Variants in SFRP1 observed in about 807,000 individuals in gnomAD.
SFRP1 encodes secreted frizzled-related protein 1.
A neutral mutation model predicts 25.9 loss-of-function variants in SFRP1; 9 were observed. That is an observed-to-expected ratio of 0.35 (90% CI 0.21 to 0.61). The LOEUF is 0.61. SFRP1 is among the 20% of genes least tolerant of loss of function. SFRP1 has a pLI of 0.78. For missense variants in SFRP1, 346 were observed against 418.2 expected (o/e 0.83, Z 1.51); for synonymous variants, 178 against 174.0 (o/e 1.02, Z -0.18).
chr8:41,307,340 T>A (rs1804010679), intron 1 of SFRP1, among the ~76,000 whole-genome samples: 1 of 152,098 alleles, frequency 6.6e-6, no homozygotes, highest in Admixed American at 6.5e-5. Flanking sequence ...TGTGGACCCA[T>A]CTCCACCCTC....
chr8:41,309,219 C>T lies in SFRP1; in HGVS notation c.-60G>A. ...GCTGCCTCCGCCGCCTCCCCGCGCG[C>T]GTCCTGCCGCAAACTTCCAGGGACC... On this transcript the variant is annotated 5_prime_UTR_variant, in exon 1 of 3. Transcript: ENST00000220772. 3 of 1,264,192 alleles carry T rather than the reference C, an allele frequency of 2.4e-6. No individual in the cohort carries two copies. Among genetic ancestry groups the T allele is most frequent in the Non-Finnish European group, 3.0e-6 (3 of 1,011,384 alleles). 78.3% of individuals were successfully genotyped at this position (1,264,192 alleles called of 1,614,324 possible). A position where few individuals can be genotyped will look rare whatever the true frequency, so the allele number is the denominator to read the frequency against.
At chr8:41,274,836 T>C (rs765086882) in intron 2 of SFRP1, among the ~76,000 whole-genome samples, 2 of 152,198 alleles carry the variant, frequency 1.3e-5, no homozygotes, top group Non-Finnish European at 2.9e-5. Context: ...TGTCAGTGTA[T>C]ATAAAATATA....
intron 2 of SFRP1, among the ~76,000 whole-genome samples, chr8:41,274,609 C>A (rs138777932): frequency 1.3e-5 from 2 of 152,150 alleles, no homozygotes; most frequent in African/African-American, 4.8e-5. Context: ...AATAAGAAAT[C>A]CAATTATAAC....
chr8:41,275,487 G>A (rs956778980), intron 2 of SFRP1, among the ~76,000 whole-genome samples: 5 of 151,654 alleles, frequency 3.3e-5, no homozygotes, highest in Non-Finnish European at 5.9e-5. Flanking sequence ...GCTAGTCACA[G>A]TGAGACTGGC....
chr8:41,294,451 A>G (rs1473582735), intron 2 of SFRP1, among the ~76,000 whole-genome samples: 1 of 152,194 alleles, frequency 6.6e-6, no homozygotes, highest in Non-Finnish European at 1.5e-5. Context: ...AACAAGAGAG[A>G]GAAAATCCCC....
In SFRP1 at chr8:41,262,259, A is replaced by T. The variant is rs1411628648; in HGVS notation, c.*2908T>A. 6.6e-6 allele frequency: 1 copy of T among 152,224 alleles called. No homozygotes were observed. Among genetic ancestry groups the T allele is most frequent in the East Asian group, 1.9e-4 (1 of 5,198 alleles). The allele number at this position is 152,224 out of a possible 1,614,324, so 9.4% of individuals were successfully genotyped here. A position where few individuals can be genotyped will look rare whatever the true frequency, so the allele number is the denominator to read the frequency against. On this transcript the variant is annotated 3_prime_UTR_variant, in exon 3 of 3. Transcript: ENST00000220772. ...CTGGCAACAGGTCAGAACGGCCAGT[A>T]TGTTATTCCCTGCAGGCTGCCTAGG...
At chr8:41,287,794 G>A (rs1803723961) in intron 2 of SFRP1, among the ~76,000 whole-genome samples, 2 of 152,238 alleles carry the variant, frequency 1.3e-5, no homozygotes, top group Admixed American at 1.3e-4. Context: ...TAAGGAAAGT[G>A]CAGCATGTGT....
intron 2 of SFRP1, among the ~76,000 whole-genome samples, chr8:41,267,733 G>T (rs760469857): frequency 6.6e-6 from 1 of 152,192 alleles, no homozygotes; most frequent in Non-Finnish European, 1.5e-5. Context: ...GGCATAGGGG[G>T]TTAAGTTGGC....
At chr8:41,273,175 G>T (rs982684585) in intron 2 of SFRP1, among the ~76,000 whole-genome samples, 7 of 152,158 alleles carry the variant, frequency 4.6e-5, no homozygotes, top group Non-Finnish European at 1.0e-4. Flanking sequence ...CTACAAAAAT[G>T]CAGAATTTTT....
In SFRP1 at chr8:41,265,468, T is replaced by G. The variant is rs181850396; in HGVS notation, c.644A>C (p.Glu215Ala). 6.2e-7 allele frequency: 1 copy of G among 1,606,810 alleles called. No individual in the cohort carries two copies. ...CTTGTCGCCATTTTCTTTTTTCACT[T>G]CTTTTATTTTCATCCTCAGTGCTAG... ...SEFALRMKIK[E>A]VKKENGDKKI... Residue 215 changes from glutamate (E) to alanine (A), a missense_variant, in exon 3 of 3, where the codon GAA (glutamate) becomes GCA (alanine). Glu to Ala is a moderately radical substitution (Grantham distance 107, BLOSUM62 -1). Coordinates refer to ENST00000220772, the MANE Select transcript of SFRP1 (RefSeq NM_003012.5).
chr8:41,274,934 G>A (rs1803553320), intron 2 of SFRP1, among the ~76,000 whole-genome samples: 1 of 152,124 alleles, frequency 6.6e-6, no homozygotes, highest in Non-Finnish European at 1.5e-5. Context: ...GGAGCAACTT[G>A]GCCATATAGT....
intron 2 of SFRP1, among the ~76,000 whole-genome samples, chr8:41,267,175 G>A (rs1276995827): frequency 1.3e-5 from 2 of 152,184 alleles, no homozygotes; most frequent in African/African-American, 4.8e-5. Flanking sequence ...TGGTACCAGG[G>A]CTGCTTCTGT....
intron 2 of SFRP1, among the ~76,000 whole-genome samples, chr8:41,299,507 A>T (rs1225575899): frequency 3.5e-5 from 3 of 85,416 alleles, no homozygotes; most frequent in Non-Finnish European, 2.9e-5. Context: ...TATAAAAAAA[A>T]AAAAAAAAAA....
chr8:41,276,080 G>A (rs1803568900), intron 2 of SFRP1, among the ~76,000 whole-genome samples: 1 of 152,166 alleles, frequency 6.6e-6, no homozygotes, highest in Non-Finnish European at 1.5e-5. Flanking sequence ...CAGCTTGGTT[G>A]ATCAGGAAAG....
In SFRP1 at chr8:41,265,120, G is replaced by A. The variant is rs778794577; in HGVS notation, c.*47C>T. On this transcript the variant is annotated 3_prime_UTR_variant, in exon 3 of 3. Transcript: ENST00000220772. ...GGGTTCCCGGGGCACTGTCCCCCCC[G>A]CTCCCACCCCACCCGAGGCTCCCTC... 9.5e-5 allele frequency: 16 copies of A among 168,624 alleles called. No individual in the cohort carries two copies. Among genetic ancestry groups the A allele is most frequent in the African/African-American group, 2.0e-4 (5 of 25,574 alleles). The allele number at this position is 168,624 out of a possible 1,614,324, so 10.4% of individuals were successfully genotyped here.
At chr8:41,265,563 G>A in intron 2 of SFRP1, 74 bp from the exon 3 acceptor site, 1 of 1,010,334 alleles carries the variant, frequency 9.9e-7, no homozygotes. Context: ...TTCTTTTTTT[G>A]ATCCTCAAAG....
At chr8:41,283,078 A>G (rs886359403) in intron 2 of SFRP1, among the ~76,000 whole-genome samples, 2 of 152,180 alleles carry the variant, frequency 1.3e-5, no homozygotes, top group African/African-American at 4.8e-5. Flanking sequence ...CTTTTATTAC[A>G]TGACCTTGGA....
intron 2 of SFRP1, among the ~76,000 whole-genome samples, chr8:41,284,258 G>T (rs964074378): frequency 1.2e-4 from 18 of 152,102 alleles, no homozygotes; most frequent in Non-Finnish European, 2.5e-4. Flanking sequence ...TATGGAAACC[G>T]GCCACACTGT....
chr8:41,270,256 T>A (rs1309644847), intron 2 of SFRP1, among the ~76,000 whole-genome samples: 1 of 152,184 alleles, frequency 6.6e-6, no homozygotes, highest in Admixed American at 6.5e-5. Flanking sequence ...GCCCGTGCAA[T>A]CATTCCCACT....
Sources: gnomAD v4.1 joint callset for allele counts (sites outside exome capture counted in the v4.1 genomes callset) on GRCh38, gnomAD v4.1.1 for gene constraint, MANE v1.5 for transcripts, NCBI Gene and HGNC (gene_info 2026-07-23, HGNC 2026-07-21) for gene names.